The following QKI variants were observed in gnomAD, a reference collection of about 807,000 sequenced individuals.
QKI encodes QKI, KH domain containing RNA binding, also known as KH domain-containing RNA-binding protein QKI.
QKI carries 10 observed loss-of-function variants against 39.0 expected under a neutral mutation model. The observed-to-expected ratio is 0.26, with a 90% CI of 0.16 to 0.43. The LOEUF (loss-of-function observed/expected upper bound fraction) is 0.43, where lower values mean the gene tolerates loss of function less well. Among genes scored for constraint, QKI ranks in the 20% least tolerant of loss-of-function variants. The pLI is 1.00. For missense variants in QKI, 218 were observed against 428.0 expected (o/e 0.51, Z 4.33); for synonymous variants, 204 against 155.4 (o/e 1.31, Z -2.33).
intron 1 of QKI, among the ~76,000 whole-genome samples, chr6:163,454,640 A>G (rs1030494274): frequency 6.6e-6 from 1 of 151,702 alleles, no homozygotes; most frequent in Non-Finnish European, 1.5e-5. Context: ...CTTGGTTTGG[A>G]TCTTCTTTTC....
At chr6:163,415,373 C>A in intron 1 of QKI, 38 bp downstream of exon 1, 1 of 1,505,070 alleles carries the variant, frequency 6.6e-7, no homozygotes, top group Non-Finnish European at 9.0e-7. Flanking sequence ...GCCCGACCCC[C>A]GCCGGGGCGG....
chr6:163,496,938 A>T lies in QKI; in HGVS notation c.402+18042A>T, dbSNP rs76970305. Among the ~76,000 whole-genome samples, 60 of 152,220 alleles carry T rather than the reference A, an allele frequency of 3.9e-4. 1 individual carries two copies. The East Asian group carries it at 0.01, about 26-fold the overall frequency. ...CAGCCCTGACATGTTCTACATATATATTACTACCACCCTCACTTAAGGGAA... is the reference window on the plus strand; with the variant it reads ...CAGCCCTGACATGTTCTACATATATTTTACTACCACCCTCACTTAAGGGAA... On this transcript the variant is annotated intron_variant, in intron 3 of 7. Transcript: ENST00000361752.
At chr6:163,415,437 GA>G in intron 1 of QKI, 102 bp downstream of exon 1, 1 of 979,316 alleles carries the variant, frequency 1.0e-6, no homozygotes, top group Non-Finnish European at 1.4e-6. Context: ...GGCCGGGCGG[GA>G]CCGAGCGCCG....
chr6:163,497,526 T>C (rs535327611), intron 3 of QKI, among the ~76,000 whole-genome samples: 1 of 152,188 alleles, frequency 6.6e-6, no homozygotes, highest in East Asian at 1.9e-4. Context: ...TTGGAGGAAT[T>C]TGCTTTTACT....
chr6:163,567,004 ATCT>A (rs1394869299), intron 7 of QKI: 5 of 1,304,246 alleles, frequency 3.8e-6, no homozygotes, highest in South Asian at 3.9e-5. Context: ...AACTTATTAA[ATCT>A]TCTATTATTA....
intron 7 of QKI, chr6:163,568,455 T>G: frequency 1.0e-6 from 1 of 985,598 alleles, no homozygotes; most frequent in Non-Finnish European, 1.2e-6. Context: ...ATTAGTCCTG[T>G]CACTGTTTTT....
chr6:163,568,075 A>T, intron 7 of QKI: 1 of 985,428 alleles, frequency 1.0e-6, no homozygotes, highest in South Asian at 4.7e-5. Context: ...GTGGTCGTCT[A>T]TGAGGATGGT....
chr6:163,503,141 T>A (rs937517500), intron 3 of QKI, among the ~76,000 whole-genome samples: 7 of 7,614 alleles, frequency 9.2e-4, no homozygotes, highest in South Asian at 7.1e-3. Context: ...CCTTGTATTT[T>A]TTTTTTTTTT....
At chr6:163,457,390 C>G in intron 2 of QKI, 1 of 456,046 alleles carries the variant, frequency 2.2e-6, no homozygotes, top group Non-Finnish European at 4.4e-6. Context: ...GTTGTGACTT[C>G]TTGCCACGGT....
chr6:163,573,192 GAA>G lies in QKI; in HGVS notation c.*2487_*2488del, dbSNP rs1462854083. ...TGGTTGACAAAATTTTGGATCAACT[GAA>G]AAAAGCATGACTTTTGAAATCTCTG... On this transcript the variant is annotated 3_prime_UTR_variant, in exon 8 of 8. Transcript: ENST00000361752. 1.3e-5 allele frequency: 2 copies of G among 152,204 alleles called. No individual in the cohort carries two copies. Among genetic ancestry groups the G allele is most frequent in the East Asian group, 3.9e-4 (2 of 5,184 alleles). The allele number at this position is 152,204 out of a possible 1,614,324, so 9.4% of individuals were successfully genotyped here.
intron 2 of QKI, among the ~76,000 whole-genome samples, chr6:163,468,859 A>G (rs1472852484): frequency 1.3e-5 from 2 of 152,108 alleles, no homozygotes; most frequent in Admixed American, 6.6e-5. Context: ...AAGGCAAACG[A>G]TATTAACCTG....
intron 1 of QKI, among the ~76,000 whole-genome samples, chr6:163,426,172 T>G (rs1157105687): frequency 6.6e-6 from 1 of 152,152 alleles, no homozygotes; most frequent in Non-Finnish European, 1.5e-5. Context: ...GCTGGATTGT[T>G]CAAACCAGAA....
intron 3 of QKI, among the ~76,000 whole-genome samples, chr6:163,498,986 G>A (rs1221230633): frequency 6.6e-6 from 1 of 152,116 alleles, no homozygotes; most frequent in Non-Finnish European, 1.5e-5. Context: ...CACATAGCCT[G>A]AAGGTAGTTT....
At chr6:163,434,317 C>T (rs541675723) in intron 1 of QKI, among the ~76,000 whole-genome samples, 1 of 152,206 alleles carries the variant, frequency 6.6e-6, no homozygotes, top group East Asian at 1.9e-4. Context: ...TCTGATAATC[C>T]CTCTTATGAC....
intron 7 of QKI, 47 bp from the exon 8 acceptor site, chr6:163,570,642 ATCTTT>A (rs765008236): frequency 2.3e-5 from 37 of 1,602,026 alleles, no homozygotes; most frequent in African/African-American, 4.1e-5. Context: ...TCTCTTCTCT[ATCTTT>A]TCTTTTCTTT....
intron 3 of QKI, among the ~76,000 whole-genome samples, chr6:163,491,951 G>T (rs1778081897): frequency 6.6e-6 from 1 of 152,188 alleles, no homozygotes; most frequent in Non-Finnish European, 1.5e-5. Flanking sequence ...AAAAGGGAGA[G>T]TCCATTTTAT....
intron 3 of QKI, among the ~76,000 whole-genome samples, chr6:163,528,067 C>A (rs921856141): frequency 6.6e-6 from 1 of 152,050 alleles, no homozygotes; most frequent in Non-Finnish European, 1.5e-5. Context: ...TCTCCCAGTT[C>A]TTGACATTAT....
chr6:163,563,648 A>T lies in QKI; in HGVS notation c.863A>T (p.Tyr288Phe), dbSNP rs1271837990. 2 of 1,614,106 alleles carry T rather than the reference A, an allele frequency of 1.2e-6. No homozygotes were observed. Among genetic ancestry groups the T allele is most frequent in the Non-Finnish European group, 1.7e-6 (2 of 1,179,976 alleles). ...GAAGCTGGTTTAATCTATACACCCT[A>T]TGAGTACCCCTACACATTGGCACCA... The part of the protein sequence containing the change: ...GPEAGLIYTP[Y>F]EYPYTLAPAT... Residue 288 changes from tyrosine to phenylalanine, a missense_variant, in exon 6 of 8, where the codon TAT becomes TTT. By Grantham distance (22) the Tyr-to-Phe change is conservative (BLOSUM62 3). This residue lies in a region of QKI where 117 missense variants were observed against 186.0 expected (regional missense o/e 0.63). Coordinates refer to ENST00000361752, the MANE Select transcript of QKI (RefSeq NM_006775.3).
chr6:163,551,538 A>G (rs775689881), intron 4 of QKI, among the ~76,000 whole-genome samples: 2 of 152,264 alleles, frequency 1.3e-5, no homozygotes, highest in Admixed American at 6.5e-5. Flanking sequence ...AGCAACCAAA[A>G]TTAATTACCT....
Sources: allele counts gnomAD v4.1 joint callset (sites outside exome capture counted in the v4.1 genomes callset), GRCh38; gene constraint gnomAD v4.1.1; regional missense constraint gnomAD v4.1.1; transcripts MANE v1.5; gene names NCBI Gene and HGNC (gene_info 2026-07-23, HGNC 2026-07-21).